ELP1: variants seen among roughly 807,000 people sequenced by gnomAD.
ELP1 encodes elongator complex protein 1.
ELP1 carries 131 observed loss-of-function variants against 183.2 expected under a neutral mutation model. That is an observed-to-expected ratio of 0.72 (90% CI 0.62 to 0.83). The LOEUF is 0.83. ELP1 is among the 40% of genes least tolerant of loss of function. The probability of loss-of-function intolerance (pLI) is 0.00; values close to 1 mark genes in which losing one functional copy is unlikely to be tolerated. For missense variants in ELP1, 1,550 were observed against 1,594.9 expected (o/e 0.97, Z 0.48); for synonymous variants, 555 against 569.0 (o/e 0.98, Z 0.35).
At chr9:108,898,892 G>T in intron 20 of ELP1, 143 bp from the exon 21 acceptor site, 1 of 654,064 alleles carries the variant, frequency 1.5e-6, no homozygotes, top group East Asian at 2.7e-5. Flanking sequence ...TTTCTACTCT[G>T]AAATTACAGA....
intron 24 of ELP1, 120 bp downstream of exon 24, chr9:108,896,833 G>A: frequency 9.1e-7 from 1 of 1,104,498 alleles, no homozygotes; most frequent in Non-Finnish European, 1.4e-6. Flanking sequence ...GTCTTAAAAT[G>A]GCAACTAAAA....
Position 108,931,064 on chromosome 9 carries a change from G to A in ELP1, c.83C>T (p.Thr28Ile). The change falls in exon 2 of 37, where the codon ACT becomes ATT. Residue 28 changes from threonine (T) to isoleucine (I), a missense_variant. Transcript: ENST00000374647. Reference sequence around the variant, plus strand: ...ACCAATGAGCACCGTCCCCTGTTCAGTTCGGAGAGAGAAGCACTGAGGATT... The same window carrying A: ...ACCAATGAGCACCGTCCCCTGTTCAATTCGGAGAGAGAAGCACTGAGGATT... The part of the protein sequence containing the change: ...PGNPQCFSLR[T>I]EQGTVLIGSE... The A allele has an allele frequency of 6.2e-7, 1 of 1,614,134 alleles. No homozygotes were observed. Among genetic ancestry groups the A allele is most frequent in the Non-Finnish European group, 8.5e-7 (1 of 1,179,988 alleles).
chr9:108,875,615 G>GGAGGA (rs544136059), intron 35 of ELP1: 9 of 316,666 alleles, frequency 2.8e-5, no homozygotes, highest in South Asian at 2.3e-4. Context: ...ACTTAATGTG[G>GGAGGA]GAGGCATGGT....
intron 29 of ELP1, among the ~76,000 whole-genome samples, chr9:108,887,928 G>A (rs1179105525): frequency 6.6e-6 from 1 of 152,146 alleles, no homozygotes; most frequent in Admixed American, 6.5e-5. Context: ...ACTTACCACG[G>A]GATGTGGCAT....
At chr9:108,874,551 G>C (rs573865699) in intron 36 of ELP1, among the ~76,000 whole-genome samples, 3 of 152,334 alleles carry the variant, frequency 2.0e-5, no homozygotes, top group South Asian at 2.1e-4. Flanking sequence ...AGCCAGTAAT[G>C]ATGCTTCAGA....
chr9:108,902,474 C>A (rs1185921147), intron 16 of ELP1, among the ~76,000 whole-genome samples: 1 of 152,228 alleles, frequency 6.6e-6, no homozygotes, highest in Admixed American at 6.5e-5. Context: ...ATTCTACCAT[C>A]CACCACAATT....
intron 6 of ELP1, 112 bp downstream of exon 6, chr9:108,922,730 C>A: frequency 1.2e-6 from 1 of 807,296 alleles, no homozygotes; most frequent in Non-Finnish European, 2.2e-6. Flanking sequence ...TTTACTAAAG[C>A]AGAAGAGAAC....
At chr9:108,905,655 G>A (rs146151605) in intron 14 of ELP1, among the ~76,000 whole-genome samples, 23 of 152,282 alleles carry the variant, frequency 1.5e-4, no homozygotes, top group African/African-American at 5.1e-4. Context: ...ATACGTCTGA[G>A]AAATGTGTTG....
intron 10 of ELP1, among the ~76,000 whole-genome samples, chr9:108,915,363 A>G (rs1383635560): frequency 6.6e-6 from 1 of 152,228 alleles, no homozygotes; most frequent in East Asian, 1.9e-4. Context: ...TCGGCTGACT[A>G]TAAGGAAAGC....
At chr9:108,926,905 T>C (rs918534162) in intron 4 of ELP1, among the ~76,000 whole-genome samples, 7 of 152,228 alleles carry the variant, frequency 4.6e-5, no homozygotes, top group African/African-American at 1.4e-4. Context: ...TAAATATAAA[T>C]GTCATCAGTG....
intron 14 of ELP1, 132 bp downstream of exon 14, chr9:108,906,171 T>C (rs1829011007): frequency 1.2e-6 from 1 of 831,868 alleles, no homozygotes; most frequent in Non-Finnish European, 2.0e-6. Flanking sequence ...AACCTTCTTG[T>C]TAAGTGTGTC....
chr9:108,917,835 G>C (rs372907473), intron 8 of ELP1, among the ~76,000 whole-genome samples, 165 bp from the exon 9 acceptor site: 1 of 152,066 alleles, frequency 6.6e-6, no homozygotes, highest in Admixed American at 6.5e-5. Context: ...CTTGTCTCTC[G>C]GCGAGCGGTT....
chr9:108,926,402 A>T, intron 5 of ELP1, 121 bp downstream of exon 5: 1 of 792,668 alleles, frequency 1.3e-6, no homozygotes, highest in Non-Finnish European at 2.1e-6. Flanking sequence ...TAGACATTTA[A>T]TAGCTGGGGG....
At chr9:108,894,114 T>C (rs1828448810) in intron 25 of ELP1, 48 bp from the exon 26 acceptor site, 6 of 1,186,376 alleles carry the variant, frequency 5.1e-6, no homozygotes, top group East Asian at 2.4e-5. Context: ...TATTCATATA[T>C]AGGAATAGAA....
chr9:108,889,485 T>A, intron 28 of ELP1, 92 bp from the exon 29 acceptor site: 1 of 1,167,212 alleles, frequency 8.6e-7, no homozygotes, highest in Non-Finnish European at 1.3e-6. Flanking sequence ...TGTATGAAAC[T>A]ATGTACTTTC....
Position 108,890,424 on chromosome 9 carries a change from T to G in ELP1, c.3160+779A>C, listed in dbSNP as rs79906058. Among the ~76,000 whole-genome samples the G allele has an allele frequency of 1.9e-3, 283 of 152,312 alleles. 2 individuals carry two copies. The highest frequency in any genetic ancestry group is 6.4e-3 in the African/African-American group (266 of 41,578). ...AGTTTGGAATTTTTTTAGGACTGCT[T>G]TTTATTTTTTTCTTTGAGATCTCAA... is the stretch of plus-strand genomic sequence containing the variant. On this transcript the variant is annotated intron_variant, in intron 28 of 36. Coordinates refer to ENST00000374647, the MANE Select transcript of ELP1 (RefSeq NM_003640.5).
Position 108,897,132 on chromosome 9 carries a change from G to C in ELP1, c.2501+16C>G. On this transcript the variant is annotated intron_variant, in intron 23 of 36. Transcript: ENST00000374647. Reference sequence around the variant, plus strand: ...TCGGTTTTTCAAAGGATGCCACCTGGTGACAGCATACATACTTATGAGGAT... The same window carrying C: ...TCGGTTTTTCAAAGGATGCCACCTGCTGACAGCATACATACTTATGAGGAT... The C allele has an allele frequency of 6.2e-7, 1 of 1,614,142 alleles. No individual in the cohort carries two copies. The highest frequency in any genetic ancestry group is 8.5e-7 in the Non-Finnish European group (1 of 1,180,006).
intron 1 of ELP1, among the ~76,000 whole-genome samples, 174 bp from the exon 2 acceptor site, chr9:108,931,375 A>G (rs1025990868): frequency 1.3e-5 from 2 of 152,228 alleles, no homozygotes; most frequent in African/African-American, 4.8e-5. Flanking sequence ...CCCACTCTAT[A>G]CAGTTATGGT....
chr9:108,908,348 A>G lies in ELP1; in HGVS notation c.1417T>C (p.Phe473Leu). Residue 473 changes from phenylalanine (F) to leucine (L), a missense_variant, in exon 13 of 37, where the codon TTT becomes CTT. Physicochemically the swap from Phe to Leu is conservative, Grantham distance 22. Coordinates refer to ENST00000374647, the MANE Select transcript of ELP1 (RefSeq NM_003640.5). Reference protein sequence around the residue: ...VKLGAVGGSGFKVCLRTPHLE... With the variant: ...VKLGAVGGSGLKVCLRTPHLE... ...TGAGGAGTTCTAAGGCAAACTTTAA[A>G]TCCACTTCCACCCACAGCTCCCAGT... 1.2e-6 allele frequency: 2 copies of G among 1,614,152 alleles called. No homozygotes were observed. Among genetic ancestry groups the G allele is most frequent in the South Asian group, 2.2e-5 (2 of 91,078 alleles).
Sources: allele counts gnomAD v4.1 joint callset (sites outside exome capture counted in the v4.1 genomes callset), GRCh38; gene constraint gnomAD v4.1.1; transcripts MANE v1.5; gene names NCBI Gene and HGNC (gene_info 2026-07-23, HGNC 2026-07-21).